Variants in SMARCA4 observed in about 807,000 individuals in gnomAD.
SMARCA4 encodes SWI/SNF related BAF chromatin remodeling complex subunit ATPase 4, also known as SWI/SNF-related matrix-associated actin-dependent regulator of chromatin subfamily A member 4.
SMARCA4 carries 31 observed loss-of-function variants against 193.9 expected under a neutral mutation model. That is an observed-to-expected ratio of 0.16 (90% CI 0.12 to 0.22). The LOEUF (loss-of-function observed/expected upper bound fraction) is 0.22. SMARCA4 is among the 10% of genes least tolerant of loss of function. The probability of loss-of-function intolerance (pLI) is 1.00; values close to 1 mark genes in which losing one functional copy is unlikely to be tolerated. For missense variants in SMARCA4, 1,148 were observed against 2,296.0 expected (o/e 0.50, Z 10.22); for synonymous variants, 942 against 933.1 (o/e 1.01, Z -0.17).
chr19:11,049,139 A>G (rs1347668561), intron 30 of SMARCA4, among the ~76,000 whole-genome samples: 1 of 152,146 alleles, frequency 6.6e-6, no homozygotes, highest in Non-Finnish European at 1.5e-5. Flanking sequence ...AGCAGTGTCC[A>G]CTGGGAGGAG....
rs983207652 is a variant in SMARCA4 at position 10,985,058 on chromosome 19, G to A, written c.223-215G>A. Among the ~76,000 whole-genome samples, 1 of 152,136 alleles carries A rather than the reference G, an allele frequency of 6.6e-6. No individual in the cohort carries two copies. The highest frequency in any genetic ancestry group is 1.5e-5 in the Non-Finnish European group (1 of 68,026). On this transcript the variant is annotated intron_variant, in intron 2 of 34. Transcript: ENST00000344626. The surrounding 1 kb of genome is among the most constrained non-coding windows in gnomAD (Gnocchi z 4.5). ...CTTGACCACAGTCTCCCATATGCTC[G>A]TGCTCCACTGGGCGACATTTATTTT...
At chr19:11,052,563 C>T (rs563968583) in intron 30 of SMARCA4, among the ~76,000 whole-genome samples, 7 of 152,336 alleles carry the variant, frequency 4.6e-5, no homozygotes, top group South Asian at 2.1e-4. Context: ...GCCCAGAGGG[C>T]GCCCCTGCCT....
intron 11 of SMARCA4, among the ~76,000 whole-genome samples, chr19:10,998,821 C>T (rs2087334587): frequency 6.6e-6 from 1 of 152,008 alleles, no homozygotes; most frequent in African/African-American, 2.4e-5. Flanking sequence ...CACTTCCTTC[C>T]TCATCAGACT....
chr19:11,059,674 G>T, intron 32 of SMARCA4, 79 bp from the exon 33 acceptor site: 2 of 1,491,278 alleles, frequency 1.3e-6, no homozygotes, highest in Non-Finnish European at 1.8e-6. Context: ...ACAGGGCTGG[G>T]GCTGGGGCTG....
Position 10,984,364 on chromosome 19 carries a change from G to C in SMARCA4, c.213G>C (p.Gln71His), listed in dbSNP as rs1489673789. 1 of 1,586,936 alleles carries C rather than the reference G, an allele frequency of 6.3e-7. No homozygotes were observed. Among genetic ancestry groups the C allele is most frequent in the Non-Finnish European group, 8.6e-7 (1 of 1,166,444 alleles). ...PGGYPQDNMH[Q>H]MHKPMESMHE... ...GGTACCCTCAGGACAACATGCACCA[G>C]ATGCACAAGGTAGGGATCCCTGTGC... The change falls in exon 2 of 35, where the codon CAG becomes CAC. Residue 71 changes from glutamine (Q) to histidine (H), a missense_variant. By Grantham distance (24) the Gln-to-His change is conservative (BLOSUM62 0). Transcript: ENST00000344626. The surrounding 1 kb of genome is among the most constrained non-coding windows in gnomAD (Gnocchi z 4.3).
In SMARCA4 at chr19:11,021,712, CTG is replaced by C. The variant is rs778570983; in HGVS notation, c.2617-12_2617-11del. 19 of 1,602,550 alleles carry C rather than the reference CTG, an allele frequency of 1.2e-5. No homozygotes were observed. The highest frequency in any genetic ancestry group is 3.3e-5 in the South Asian group (3 of 89,858). On this transcript the variant is annotated splice_polypyrimidine_tract_variant and intron_variant, in intron 18 of 34. Coordinates refer to ENST00000344626, the MANE Select transcript of SMARCA4 (RefSeq NM_003072.5). ...CTGCCCCCTGCCCTGATTGCCCACT[CTG>C]GGGCCCGCAGATCCGTTGGAAGTAC...
In SMARCA4 at chr19:10,985,180, C is replaced by A. The variant is rs1238476073; in HGVS notation, c.223-93C>A. The A allele has an allele frequency of 7.3e-7, 1 of 1,373,260 alleles. No homozygotes were observed. The allele number at this position is 1,373,260 out of a possible 1,614,324, so 85.1% of individuals were successfully genotyped here. A position where few individuals can be genotyped will look rare whatever the true frequency, so the allele number is the denominator to read the frequency against. ...CGCGTCATCTTCGGGTGGCTGTTCT[C>A]GGTGCCCTCGAGCTTCTCTCGGGCA... On this transcript the variant is annotated intron_variant, in intron 2 of 34. Coordinates refer to ENST00000344626, the MANE Select transcript of SMARCA4 (RefSeq NM_003072.5). The surrounding 1 kb of genome is among the most constrained non-coding windows in gnomAD (Gnocchi z 4.5).
chr19:10,995,697 G>A (rs1288531547), intron 9 of SMARCA4, among the ~76,000 whole-genome samples: 1 of 152,198 alleles, frequency 6.6e-6, no homozygotes, highest in Admixed American at 6.5e-5. Context: ...CCAGAACAGC[G>A]TTGTGTGGGG....
At chr19:11,055,314 C>T (rs911007021) in intron 30 of SMARCA4, among the ~76,000 whole-genome samples, 7 of 152,102 alleles carry the variant, frequency 4.6e-5, no homozygotes, top group Admixed American at 4.6e-4. Context: ...CTCAGCCTCC[C>T]GAGTAGCTGG....
At position 11,008,037 on chromosome 19, in the gene SMARCA4, A is replaced by G. The variant is rs1600168743; in HGVS notation, c.2123+14A>G. On this transcript the variant is annotated intron_variant, in intron 14 of 34. Transcript: ENST00000344626. ...GCACATCATTGAGTAAGGGGTCCCG[A>G]CACAGGTTGTTCTGTGCCAGCTTCC... 2 of 1,611,302 alleles carry G rather than the reference A, an allele frequency of 1.2e-6. No homozygotes were observed. Among genetic ancestry groups the G allele is most frequent in the Non-Finnish European group, 1.7e-6 (2 of 1,178,502 alleles).
rs1489647083 is a variant in SMARCA4, at chr19:10,986,932, C to G, written c.788C>G (p.Pro263Arg). The change falls in exon 5 of 35, where the codon CCA becomes CGA. Residue 263 changes from proline (P) to arginine (R), a missense_variant. Physicochemically the swap from Pro to Arg is moderately radical, Grantham distance 103. Transcript: ENST00000344626. This position sits in a 1 kb window ranked among gnomAD's most constrained non-coding sequence, Gnocchi z 6.7. ...HGMGGPNMPP[P>R]GPSGVPPGMP... ...ATGGGAGGGCCCAACATGCCTCCCC[C>G]AGGACCCTCGGGCGTGCCCCCCGGG... 2 of 1,612,508 alleles carry G rather than the reference C, an allele frequency of 1.2e-6. No individual in the cohort carries two copies. Among genetic ancestry groups the G allele is most frequent in the African/African-American group, 2.7e-5 (2 of 74,930 alleles).
chr19:11,039,353 C>T (rs1411580531), intron 29 of SMARCA4: 2 of 616,976 alleles, frequency 3.2e-6, no homozygotes, highest in African/African-American at 3.9e-5. Context: ...GACCCTGTCT[C>T]TGAAAAAAAG....
intron 11 of SMARCA4, among the ~76,000 whole-genome samples, chr19:11,001,841 T>C (rs1756707926): frequency 6.6e-6 from 1 of 152,212 alleles, no homozygotes; most frequent in Non-Finnish European, 1.5e-5. Context: ...CTAGGAAATA[T>C]ACAAGAATTG....
At chr19:11,043,890 C>T (rs556026441) in intron 30 of SMARCA4, among the ~76,000 whole-genome samples, 33 of 152,234 alleles carry the variant, frequency 2.2e-4, no homozygotes, top group African/African-American at 7.2e-4. Context: ...GCACGAGAAT[C>T]GCTTGAACCC....
intron 34 of SMARCA4, among the ~76,000 whole-genome samples, chr19:11,060,975 TCTCTTGC>T (rs1222814176): frequency 6.6e-6 from 1 of 151,992 alleles, no homozygotes; most frequent in Non-Finnish European, 1.5e-5. Context: ...TGATGCTGTC[TCTCTTGC>T]CTAATCCAGA....
At chr19:11,003,501 G>A (rs1252182501) in intron 13 of SMARCA4, 104 bp downstream of exon 13, 2 of 1,127,104 alleles carry the variant, frequency 1.8e-6, no homozygotes, top group South Asian at 1.2e-5. Flanking sequence ...CATCTTGTGG[G>A]GCAGGGAACA....
intron 1 of SMARCA4, among the ~76,000 whole-genome samples, chr19:10,973,186 C>T (rs1259196715): frequency 4.6e-5 from 7 of 151,788 alleles, no homozygotes; most frequent in African/African-American, 7.3e-5. Context: ...ACACTTGATG[C>T]GGTTACTCTG....
chr19:10,961,605 G>T (rs2083812984), intron 1 of SMARCA4: 1 of 152,252 alleles, frequency 6.6e-6, no homozygotes, highest in Non-Finnish European at 1.5e-5. Flanking sequence ...GCGAAGCTGC[G>T]ATCGGGGCTC....
rs140815680 is a variant in SMARCA4, at chr19:11,047,179, G to A, written c.4424+5619G>A. The stretch of plus-strand genomic sequence containing the variant: ...CCCCGAGAGCCCTAGCGGTTGTTAC[G>A]CTTGCAGTTATGATTTATTACAGTG... On this transcript the variant is annotated intron_variant, in intron 30 of 34. Coordinates refer to ENST00000344626, the MANE Select transcript of SMARCA4 (RefSeq NM_003072.5). Among the ~76,000 whole-genome samples the A allele has an allele frequency of 2.0e-3, 310 of 152,208 alleles. 2 individuals are homozygous for A. The highest frequency in any genetic ancestry group is 7.0e-3 in the African/African-American group (289 of 41,528).
Sources: gnomAD v4.1 joint callset for allele counts (sites outside exome capture counted in the v4.1 genomes callset) on GRCh38, gnomAD v4.1.1 for gene constraint, Gnocchi (gnomAD v3.1) non-coding constraint, MANE v1.5 for transcripts, NCBI Gene and HGNC (gene_info 2026-07-23, HGNC 2026-07-21) for gene names.